SLC39A11: variants seen among roughly 807,000 people sequenced by gnomAD.
SLC39A11 encodes solute carrier family 39 member 11.
Under a neutral mutation model 36.1 loss-of-function variants are expected in SLC39A11, and 33 were observed. The ratio of observed to expected loss-of-function variants is 0.91; its 90% CI spans 0.69 to 1.22. SLC39A11 has a LOEUF of 1.22. Ranked by LOEUF, SLC39A11 falls within the 50% of genes most tolerant of loss-of-function variation. The pLI, the probability that SLC39A11 is intolerant of heterozygous loss-of-function variation, is 0.00. For missense variants in SLC39A11, 432 were observed against 430.3 expected (o/e 1.00, Z -0.03); for synonymous variants, 166 against 170.3 (o/e 0.97, Z 0.20).
chr17:73,012,428 A>G (rs2090574284), intron 4 of SLC39A11, among the ~76,000 whole-genome samples: 1 of 152,246 alleles, frequency 6.6e-6, no homozygotes, highest in Non-Finnish European at 1.5e-5. Context: ...CTACGCAGCC[A>G]CAAAAATTTA....
chr17:73,001,421 G>C (rs1326756244), intron 4 of SLC39A11, among the ~76,000 whole-genome samples: 3 of 104,464 alleles, frequency 2.9e-5, no homozygotes, highest in Non-Finnish European at 5.5e-5. Flanking sequence ...TGTGGGGTGG[G>C]GGGAGGGGGG....
chr17:73,046,778 C>T (rs911323396), intron 3 of SLC39A11, among the ~76,000 whole-genome samples: 2 of 151,854 alleles, frequency 1.3e-5, no homozygotes, highest in Admixed American at 6.6e-5. Context: ...CCCATCTCCA[C>T]TAAAAGGCAA....
At chr17:72,816,762 G>A (rs1457880071) in intron 6 of SLC39A11, among the ~76,000 whole-genome samples, 1 of 152,178 alleles carries the variant, frequency 6.6e-6, no homozygotes, top group African/African-American at 2.4e-5. Flanking sequence ...ATGGGTTTTA[G>A]GGGAGCGTTC....
At chr17:73,031,145 T>C (rs143449790) in intron 4 of SLC39A11, among the ~76,000 whole-genome samples, 2,341 of 152,148 alleles carry the variant, frequency 0.015, 14 homozygotes, top group South Asian at 0.026. Flanking sequence ...TCAGCCCTCA[T>C]AATGTGATCC....
intron 5 of SLC39A11, among the ~76,000 whole-genome samples, chr17:72,883,705 C>A (rs2081319465): frequency 6.6e-6 from 1 of 152,200 alleles, no homozygotes; most frequent in African/African-American, 2.4e-5. Flanking sequence ...ATCAAAAAGA[C>A]TTGGTCCAGG....
intron 7 of SLC39A11, chr17:72,663,716 G>C (rs1290163591): frequency 6.6e-6 from 1 of 152,120 alleles, no homozygotes; most frequent in Non-Finnish European, 1.5e-5. Context: ...ACATCCGTGT[G>C]GGGTATTGCC....
chr17:72,729,433 A>T (rs868352713), intron 7 of SLC39A11, among the ~76,000 whole-genome samples: 3 of 2,388 alleles, frequency 1.3e-3, no homozygotes, highest in African/African-American at 3.2e-3. Context: ...ATATATATAT[A>T]TATATATATA....
At chr17:72,870,272 T>TTCCTC (rs2080539845) in intron 5 of SLC39A11, among the ~76,000 whole-genome samples, 1 of 151,958 alleles carries the variant, frequency 6.6e-6, no homozygotes, top group African/African-American at 2.4e-5. Flanking sequence ...GAATGTCCTC[T>TTCCTC]TCCTCTCCCT....
At chr17:72,929,464 C>T (rs535173046) in intron 5 of SLC39A11, among the ~76,000 whole-genome samples, 2 of 152,228 alleles carry the variant, frequency 1.3e-5, no homozygotes, top group South Asian at 2.1e-4. Context: ...GGATGACAGG[C>T]CAGGGGTCAT....
At chr17:72,931,407 C>G (rs2084386727) in intron 5 of SLC39A11, among the ~76,000 whole-genome samples, 1 of 152,218 alleles carries the variant, frequency 6.6e-6, no homozygotes, top group Non-Finnish European at 1.5e-5. Flanking sequence ...CGCCAATGGC[C>G]TCACCTGCTA....
chr17:72,874,814 G>A (rs969435792), intron 5 of SLC39A11, among the ~76,000 whole-genome samples: 2 of 152,200 alleles, frequency 1.3e-5, no homozygotes, highest in African/African-American at 4.8e-5. Context: ...TAAGAAGAAA[G>A]CACAGCCAGG....
At chr17:72,971,419 C>T (rs1477462246) in intron 4 of SLC39A11, among the ~76,000 whole-genome samples, 2 of 152,156 alleles carry the variant, frequency 1.3e-5, no homozygotes, top group Non-Finnish European at 2.9e-5. Context: ...GCTCAACTTC[C>T]CCTCCCACAG....
chr17:72,746,631 G>C (rs140733360), intron 6 of SLC39A11, among the ~76,000 whole-genome samples: 5,452 of 152,200 alleles, frequency 0.036, 286 homozygotes, highest in African/African-American at 0.12. Flanking sequence ...CCAGCTACTC[G>C]GGAGGCTGAG....
intron 4 of SLC39A11, among the ~76,000 whole-genome samples, chr17:73,004,132 A>AAAGAAAGG (rs1165926469): frequency 1.3e-5 from 2 of 149,222 alleles, no homozygotes; most frequent in Non-Finnish European, 3.0e-5. Context: ...GAAAGAAAGG[A>AAAGAAAGG]AAGAAAGGAA....
rs1598630102 is a variant in SLC39A11 at position 72,765,791 on chromosome 17, C to T, written c.602-29072G>A. On this transcript the variant is annotated intron_variant, in intron 6 of 9. Coordinates refer to ENST00000255559, the MANE Select transcript of SLC39A11 (RefSeq NM_139177.4). ...TTCATCTTTGTGTTCTAATGTGGCCCCAAAGAGAGATTCTTTTCCCCTATT... is the reference window on the plus strand; with the variant it reads ...TTCATCTTTGTGTTCTAATGTGGCCTCAAAGAGAGATTCTTTTCCCCTATT... Among the ~76,000 whole-genome samples, 4 of 152,210 alleles carry T rather than the reference C, an allele frequency of 2.6e-5. No homozygotes were observed. The South Asian group carries it at 8.3e-4, about 32-fold the overall frequency.
Position 72,665,389 on chromosome 17 carries a change from G to GTTTTTTTTTTGTTT in SLC39A11, c.672-16122_672-16121insAAACAAAAAAAAAA, listed in dbSNP as rs2070689574. 3.9e-5 allele frequency among the ~76,000 whole-genome samples: 3 copies of GTTTTTTTTTTGTTT among 76,638 alleles called. 1 individual carries two copies. The highest frequency in any genetic ancestry group is 1.1e-4 in the African/African-American group (2 of 18,802). The allele number at this position is 76,638 out of a possible 152,430, so 50.3% of individuals were successfully genotyped here. A position where few individuals can be genotyped will look rare whatever the true frequency, so the allele number is the denominator to read the frequency against. On this transcript the variant is annotated intron_variant, in intron 7 of 9. Transcript: ENST00000255559. ...GGTTTAAGCCACCAAGTTTTGAGGTGTTTTTTTTTTTTTTTTTTTTTGAGA... is the reference window on the plus strand; with the variant it reads ...GGTTTAAGCCACCAAGTTTTGAGGTGTTTTTTTTTTGTTTTTTTTTTTTTTTTTTTTTTTTGAGA...
intron 5 of SLC39A11, among the ~76,000 whole-genome samples, chr17:72,935,916 G>C (rs567667604): frequency 6.6e-6 from 1 of 151,980 alleles, no homozygotes; most frequent in East Asian, 2.0e-4. Flanking sequence ...GGCCATGAAG[G>C]CTGGGCACAG....
At chr17:73,061,759 C>T (rs1014462135) in intron 3 of SLC39A11, among the ~76,000 whole-genome samples, 1 of 152,112 alleles carries the variant, frequency 6.6e-6, no homozygotes. Flanking sequence ...CTTTGGGAGG[C>T]CAAGGCGAGT....
At chr17:72,788,441 A>T (rs2145020149) in intron 6 of SLC39A11, among the ~76,000 whole-genome samples, 1 of 152,298 alleles carries the variant, frequency 6.6e-6, no homozygotes, top group East Asian at 1.9e-4. Flanking sequence ...TTTCTTAGAG[A>T]AGAGGGCAAC....
Sources: allele counts gnomAD v4.1 joint callset (sites outside exome capture counted in the v4.1 genomes callset), GRCh38; gene constraint gnomAD v4.1.1; transcripts MANE v1.5; gene names NCBI Gene and HGNC (gene_info 2026-07-23, HGNC 2026-07-21).